UNC5D: variants seen among roughly 807,000 people sequenced by gnomAD.
The protein encoded by UNC5D is netrin receptor UNC5D.
A neutral mutation model predicts 105.4 loss-of-function variants in UNC5D; 39 were observed. The ratio of observed to expected loss-of-function variants is 0.37; its 90% CI spans 0.29 to 0.48. The LOEUF (loss-of-function observed/expected upper bound fraction) is 0.48. Ranked by LOEUF, UNC5D falls within the 20% of genes least tolerant of loss-of-function variation. UNC5D has a pLI of 0.98. For synonymous variants in UNC5D, 452 were observed against 450.4 expected (o/e 1.00, Z -0.04); for missense variants, 991 against 1,202.4 (o/e 0.82, Z 2.60).
In UNC5D at chr8:35,686,520, T is replaced by C. The variant is rs370558777; in HGVS notation, c.920-25T>C. ...ACCGCTACTTGATTCATTCTAACAATGGTTTCTTTTGTTTCCCTTTGAAGT... is the reference window on the plus strand; with the variant it reads ...ACCGCTACTTGATTCATTCTAACAACGGTTTCTTTTGTTTCCCTTTGAAGT... On this transcript the variant is annotated intron_variant, in intron 6 of 16. Coordinates refer to ENST00000404895, the MANE Select transcript of UNC5D (RefSeq NM_080872.4). The C allele has an allele frequency of 2.3e-5, 35 of 1,537,836 alleles. No individual in the cohort carries two copies. In the East Asian group the frequency reaches 2.4e-4, roughly 11 times the overall value.
At chr8:35,295,493 T>C (rs1472567923) in intron 1 of UNC5D, among the ~76,000 whole-genome samples, 3 of 152,186 alleles carry the variant, frequency 2.0e-5, no homozygotes, top group Non-Finnish European at 4.4e-5. Context: ...GGGCCAACCA[T>C]GTTTTATTTC....
intron 1 of UNC5D, among the ~76,000 whole-genome samples, chr8:35,485,127 G>A (rs1157748338): frequency 2.0e-5 from 3 of 152,120 alleles, no homozygotes; most frequent in African/African-American, 2.4e-5. Context: ...CAAGAACTCA[G>A]GAGAGGCAAA....
chr8:35,479,945 G>T (rs1810365774), intron 1 of UNC5D, among the ~76,000 whole-genome samples: 1 of 152,110 alleles, frequency 6.6e-6, no homozygotes, highest in East Asian at 1.9e-4. Context: ...TAAAAGAAAA[G>T]TGCTTTAAAA....
chr8:35,683,867 C>T lies in UNC5D; in HGVS notation c.751+140C>T, dbSNP rs75785942. 5.7e-4 allele frequency: 436 copies of T among 759,274 alleles called. 3 individuals are homozygous for T. The African/African-American group carries it at 6.4e-3, about 11-fold the overall frequency. The allele number at this position is 759,274 out of a possible 1,614,324, so 47.0% of individuals were successfully genotyped here. On this transcript the variant is annotated intron_variant, in intron 5 of 16. Transcript: ENST00000404895. ...CAGCAGTGCTCTATCCTGCCTCCCT[C>T]GTCTGGCAGGCAAAAAACATCACTA...
intron 4 of UNC5D, among the ~76,000 whole-genome samples, chr8:35,673,485 A>AAAAT (rs1446683537): frequency 6.6e-6 from 1 of 152,244 alleles, no homozygotes; most frequent in African/African-American, 2.4e-5. Flanking sequence ...TGTGGTAGAA[A>AAAAT]AAATATATAT....
At chr8:35,415,170 T>C (rs1268491881) in intron 1 of UNC5D, among the ~76,000 whole-genome samples, 2 of 152,136 alleles carry the variant, frequency 1.3e-5, no homozygotes, top group Non-Finnish European at 2.9e-5. Flanking sequence ...GATAGATTTT[T>C]CTTCTAGTGT....
intron 1 of UNC5D, among the ~76,000 whole-genome samples, chr8:35,334,664 C>A (rs1024625441): frequency 6.6e-6 from 1 of 152,068 alleles, no homozygotes; most frequent in African/African-American, 2.4e-5. Flanking sequence ...AAGTACATGC[C>A]ACCATGCCCG....
At chr8:35,751,035 C>T (rs982361460) in intron 13 of UNC5D, among the ~76,000 whole-genome samples, 4 of 152,002 alleles carry the variant, frequency 2.6e-5, no homozygotes, top group East Asian at 3.9e-4. Context: ...TGTGGGATAC[C>T]GGAGTTTTAT....
In UNC5D at chr8:35,759,484, G is replaced by T; in HGVS notation, c.2313+15G>T. The T allele has an allele frequency of 6.2e-7, 1 of 1,601,580 alleles. No individual in the cohort carries two copies. The highest frequency in any genetic ancestry group is 8.5e-7 in the Non-Finnish European group (1 of 1,176,516). ...CTGCCTGCCAGGTACTGGCCAAATG[G>T]GTTTCTAACAGAAACGGCTTTGCTT... On this transcript the variant is annotated intron_variant, in intron 14 of 16. Transcript: ENST00000404895.
chr8:35,740,218 C>T (rs916065688), intron 11 of UNC5D, among the ~76,000 whole-genome samples: 2 of 152,046 alleles, frequency 1.3e-5, no homozygotes, highest in African/African-American at 2.4e-5. Context: ...AATTGACAAC[C>T]GTACAAAGGG....
At position 35,388,028 on chromosome 8, in the gene UNC5D, G is replaced by C. The variant is rs534689943; in HGVS notation, c.103+152141G>C. ...AAGGCCAAGAATGGGATAAGAAATA[G>C]TACTGGGGAGGAATTTCCTTAAGAC... On this transcript the variant is annotated intron_variant, in intron 1 of 16. Coordinates refer to ENST00000404895, the MANE Select transcript of UNC5D (RefSeq NM_080872.4). Among the ~76,000 whole-genome samples, 5 of 152,174 alleles carry C rather than the reference G, an allele frequency of 3.3e-5. No homozygotes were observed. In the South Asian group the frequency reaches 6.3e-4, roughly 19 times the overall value.
At chr8:35,501,386 G>T (rs745685670) in intron 1 of UNC5D, among the ~76,000 whole-genome samples, 2 of 152,156 alleles carry the variant, frequency 1.3e-5, no homozygotes, top group Non-Finnish European at 2.9e-5. Context: ...ATACTTGAAG[G>T]CATAAGGCCG....
At chr8:35,330,486 G>A (rs1428740101) in intron 1 of UNC5D, among the ~76,000 whole-genome samples, 1 of 152,174 alleles carries the variant, frequency 6.6e-6, no homozygotes, top group Non-Finnish European at 1.5e-5. Context: ...GTTCAAAACT[G>A]CTAGCTGATG....
intron 1 of UNC5D, among the ~76,000 whole-genome samples, chr8:35,377,258 T>C (rs1017974954): frequency 1.5e-4 from 23 of 152,176 alleles, no homozygotes; most frequent in Non-Finnish European, 1.5e-5. Flanking sequence ...TGTAACAAGG[T>C]GAGGCTTTCT....
intron 4 of UNC5D, among the ~76,000 whole-genome samples, chr8:35,651,440 G>A (rs896276790): frequency 6.6e-6 from 1 of 152,226 alleles, no homozygotes; most frequent in Non-Finnish European, 1.5e-5. Flanking sequence ...GAGAGAGGCC[G>A]AGATCAGACA....
At chr8:35,371,415 T>C (rs937497391) in intron 1 of UNC5D, among the ~76,000 whole-genome samples, 6 of 152,170 alleles carry the variant, frequency 3.9e-5, no homozygotes. Flanking sequence ...GATGATATTC[T>C]GTATTTTGGT....
chr8:35,463,454 C>T (rs1254938185), intron 1 of UNC5D, among the ~76,000 whole-genome samples: 1 of 152,072 alleles, frequency 6.6e-6, no homozygotes, highest in Non-Finnish European at 1.5e-5. Context: ...TGAGTTTGCC[C>T]CTTCCGCTCC....
At chr8:35,365,745 A>G (rs1415509784) in intron 1 of UNC5D, among the ~76,000 whole-genome samples, 1 of 152,142 alleles carries the variant, frequency 6.6e-6, no homozygotes, top group African/African-American at 2.4e-5. Context: ...CTGAATAGGA[A>G]TAGAATCCTG....
chr8:35,583,615 G>A (rs1214487347), intron 3 of UNC5D, among the ~76,000 whole-genome samples: 1 of 152,160 alleles, frequency 6.6e-6, no homozygotes, highest in South Asian at 2.1e-4. Context: ...TGTGGAACTT[G>A]CAGATATTTT....
Sources: allele counts gnomAD v4.1 joint callset (sites outside exome capture counted in the v4.1 genomes callset), GRCh38; gene constraint gnomAD v4.1.1; transcripts MANE v1.5; gene names NCBI Gene and HGNC (gene_info 2026-07-23, HGNC 2026-07-21).